The following PPP1R12B variants were observed in gnomAD, a reference collection of about 807,000 sequenced individuals.
PPP1R12B encodes myosin phosphatase target subunit 2.
Under a neutral mutation model 126.1 loss-of-function variants are expected in PPP1R12B, and 76 were observed. That is an observed-to-expected ratio of 0.60 (90% CI 0.50 to 0.73). The LOEUF is 0.73. Ranked by LOEUF, PPP1R12B falls within the 30% of genes least tolerant of loss-of-function variation. The probability of loss-of-function intolerance (pLI) is 0.00; values close to 1 mark genes in which losing one functional copy is unlikely to be tolerated. For synonymous variants in PPP1R12B, 356 were observed against 434.7 expected (o/e 0.82, Z 2.25); for missense variants, 1,052 against 1,205.1 (o/e 0.87, Z 1.88).
intron 13 of PPP1R12B, among the ~76,000 whole-genome samples, chr1:202,452,281 A>T (rs1673082971): frequency 6.6e-6 from 1 of 151,958 alleles, no homozygotes; most frequent in Non-Finnish European, 1.5e-5. Flanking sequence ...AGTGAACGAG[A>T]CTCCATCTGC....
chr1:202,548,802 C>CTATATATATA (rs1351587055), intron 18 of PPP1R12B, among the ~76,000 whole-genome samples: 16 of 95,420 alleles, frequency 1.7e-4, no homozygotes, highest in Non-Finnish European at 3.3e-4. Flanking sequence ...CTCTCTCTCT[C>CTATATATATA]TCTCTCTATA....
chr1:202,365,922 T>G (rs976914237), intron 1 of PPP1R12B, among the ~76,000 whole-genome samples: 2 of 151,958 alleles, frequency 1.3e-5, no homozygotes, highest in African/African-American at 4.8e-5. Flanking sequence ...CCTGGGAGTT[T>G]CGGGCTGCAA....
At chr1:202,416,225 A>G (rs1358045660) in intron 1 of PPP1R12B, among the ~76,000 whole-genome samples, 1 of 152,176 alleles carries the variant, frequency 6.6e-6, no homozygotes. Context: ...TAATACTATA[A>G]ATAAGATTTA....
intron 9 of PPP1R12B, among the ~76,000 whole-genome samples, chr1:202,437,279 T>C (rs546729863): frequency 9.9e-5 from 15 of 152,134 alleles, no homozygotes; most frequent in Non-Finnish European, 1.6e-4. Context: ...TGCAGTGAAC[T>C]CTGATTAGGC....
chr1:202,434,844 G>T, intron 9 of PPP1R12B, 76 bp downstream of exon 9: 1 of 1,566,142 alleles, frequency 6.4e-7, no homozygotes, highest in Non-Finnish European at 8.6e-7. Context: ...GGCCTTAAAG[G>T]TACATTCTTG....
At chr1:202,376,563 T>C (rs1661203648) in intron 1 of PPP1R12B, among the ~76,000 whole-genome samples, 1 of 152,300 alleles carries the variant, frequency 6.6e-6, no homozygotes. Context: ...ACAAACTAAA[T>C]TTTAAAAACA....
intron 23 of PPP1R12B, chr1:202,575,321 A>G: frequency 1.2e-6 from 1 of 859,710 alleles, no homozygotes; most frequent in Admixed American, 2.9e-5. Context: ...GGGACATACC[A>G]GCCTAGGTCA....
intron 18 of PPP1R12B, among the ~76,000 whole-genome samples, chr1:202,525,376 G>C (rs1167282322): frequency 6.6e-6 from 1 of 151,850 alleles, no homozygotes; most frequent in East Asian, 1.9e-4. Flanking sequence ...GTCCTTTCCA[G>C]TGTGAGTGAA....
At position 202,581,517 on chromosome 1, in the gene PPP1R12B, A is replaced by C. The variant is rs146887669; in HGVS notation, c.*957A>C. 9 of 152,298 alleles carry C rather than the reference A, an allele frequency of 5.9e-5. No individual in the cohort carries two copies. Among genetic ancestry groups the C allele is most frequent in the South Asian group, 2.1e-4 (1 of 4,832 alleles). 9.4% of individuals were successfully genotyped at this position (152,298 alleles called of 1,614,324 possible). The stretch of plus-strand genomic sequence containing the variant: ...TCTTTATAAGAAAATTTGGGCTCTG[A>C]ATACTCCATTCTGCCTCACTTCCTT... On this transcript the variant is annotated 3_prime_UTR_variant, in exon 24 of 24. Transcript: ENST00000608999.
intron 13 of PPP1R12B, among the ~76,000 whole-genome samples, chr1:202,456,077 T>C (rs1168821386): frequency 6.6e-6 from 1 of 152,076 alleles, no homozygotes; most frequent in East Asian, 1.9e-4. Flanking sequence ...TAGACCAGCC[T>C]GGCCAACACA....
chr1:202,398,197 A>G (rs1665286208), intron 1 of PPP1R12B, among the ~76,000 whole-genome samples: 1 of 152,222 alleles, frequency 6.6e-6, no homozygotes, highest in African/African-American at 2.4e-5. Flanking sequence ...CACTGGAAAA[A>G]TGGATAGTTC....
intron 2 of PPP1R12B, among the ~76,000 whole-genome samples, chr1:202,418,868 A>G (rs1487329006): frequency 6.6e-6 from 1 of 152,144 alleles, no homozygotes; most frequent in Non-Finnish European, 1.5e-5. Context: ...CTCAGGGCCA[A>G]TGGAGAATGT....
chr1:202,404,760 C>T (rs1458327424), intron 1 of PPP1R12B, among the ~76,000 whole-genome samples: 2 of 152,170 alleles, frequency 1.3e-5, no homozygotes, highest in East Asian at 1.9e-4. Context: ...CTTGGCCTCC[C>T]GGAGTGCTGG....
chr1:202,406,008 T>C (rs1666552683), intron 1 of PPP1R12B, among the ~76,000 whole-genome samples: 2 of 152,262 alleles, frequency 1.3e-5, no homozygotes, highest in Admixed American at 1.3e-4. Flanking sequence ...GTAATTTCTT[T>C]GTGGCATTCA....
chr1:202,493,026 A>G (rs1168629825), intron 14 of PPP1R12B, 88 bp from the exon 15 acceptor site: 3 of 1,392,946 alleles, frequency 2.2e-6, no homozygotes, highest in Non-Finnish European at 3.0e-6. Flanking sequence ...TTTGATAACT[A>G]TTAGGTCTTT....
At chr1:202,385,468 T>C (rs1421340323) in intron 1 of PPP1R12B, among the ~76,000 whole-genome samples, 1 of 152,206 alleles carries the variant, frequency 6.6e-6, no homozygotes, top group Non-Finnish European at 1.5e-5. Context: ...GCAAACACCA[T>C]AAAAATCTTG....
At chr1:202,566,953 T>A (rs1688105093) in intron 21 of PPP1R12B, among the ~76,000 whole-genome samples, 1 of 152,256 alleles carries the variant, frequency 6.6e-6, no homozygotes, top group Non-Finnish European at 1.5e-5. Context: ...TCTGCTGAGT[T>A]CTATGACCCT....
intron 23 of PPP1R12B, among the ~76,000 whole-genome samples, chr1:202,572,294 G>A (rs1214098416): frequency 2.6e-5 from 4 of 152,194 alleles, no homozygotes; most frequent in African/African-American, 9.7e-5. Context: ...GCAATCAGTA[G>A]GGAACAGTAG....
chr1:202,517,493 A>G lies in PPP1R12B; in HGVS notation c.2490+20671A>G, dbSNP rs148286000. Among the ~76,000 whole-genome samples, 331 of 152,288 alleles carry G rather than the reference A, an allele frequency of 2.2e-3. 2 individuals are homozygous for G. Among genetic ancestry groups the G allele is most frequent in the African/African-American group, 7.7e-3 (320 of 41,562 alleles). Reference sequence around the variant, plus strand: ...GCTTTTATTGTTACTGCAACCCACAACTGACCTTTCAGGAATAAATTAGAT... The same window carrying G: ...GCTTTTATTGTTACTGCAACCCACAGCTGACCTTTCAGGAATAAATTAGAT... On this transcript the variant is annotated intron_variant, in intron 18 of 23. Coordinates refer to ENST00000608999, the MANE Select transcript of PPP1R12B (RefSeq NM_002481.4).
Sources: allele counts gnomAD v4.1 joint callset (sites outside exome capture counted in the v4.1 genomes callset), GRCh38; gene constraint gnomAD v4.1.1; transcripts MANE v1.5; gene names NCBI Gene and HGNC (gene_info 2026-07-23, HGNC 2026-07-21).